Variants in GALNT10 observed in about 807,000 individuals in gnomAD.
GALNT10 encodes polypeptide N-acetylgalactosaminyltransferase 10.
In GALNT10, 41 loss-of-function variants were observed where a neutral mutation model predicts 75.0. That is an observed-to-expected ratio of 0.55 (90% CI 0.43 to 0.71). The LOEUF (loss-of-function observed/expected upper bound fraction) is 0.71. GALNT10 is among the 30% of genes least tolerant of loss of function. The pLI, the probability that GALNT10 is intolerant of heterozygous loss-of-function variation, is 0.00. For missense variants in GALNT10, 727 were observed against 818.5 expected, an observed-to-expected ratio of 0.89 and a Z score of 1.36; for synonymous variants, 302 against 313.0, an observed-to-expected ratio of 0.96 and a Z score of 0.37.
At chr5:154,312,333 G>T (rs1383959690) in intron 3 of GALNT10, among the ~76,000 whole-genome samples, 1 of 152,170 alleles carries the variant, frequency 6.6e-6, no homozygotes. Flanking sequence ...TTCAGGGGAA[G>T]AAATCAATAG....
intron 10 of GALNT10, among the ~76,000 whole-genome samples, chr5:154,413,501 G>T (rs1361786103): frequency 6.6e-6 from 1 of 152,196 alleles, no homozygotes; most frequent in Non-Finnish European, 1.5e-5. Context: ...TATTGATGAG[G>T]ACAGAGCCGT....
chr5:154,240,692 G>A (rs1370302751), intron 1 of GALNT10, among the ~76,000 whole-genome samples: 2 of 152,204 alleles, frequency 1.3e-5, no homozygotes, highest in Non-Finnish European at 2.9e-5. Context: ...AAGTGTAGCT[G>A]AAAGTATTTT....
chr5:154,337,631 G>A, intron 4 of GALNT10: 1 of 933,618 alleles, frequency 1.1e-6, no homozygotes, highest in Non-Finnish European at 1.7e-6. Flanking sequence ...ACTGATAGTT[G>A]TAATTGCCAA....
At chr5:154,258,604 C>T (rs1753650960) in intron 1 of GALNT10, among the ~76,000 whole-genome samples, 1 of 152,172 alleles carries the variant, frequency 6.6e-6, no homozygotes, top group East Asian at 1.9e-4. Flanking sequence ...GCCTGTGACC[C>T]TTGTCACTTA....
chr5:154,335,647 AC>A (rs1325652272), intron 4 of GALNT10, among the ~76,000 whole-genome samples: 2 of 152,136 alleles, frequency 1.3e-5, no homozygotes, highest in Non-Finnish European at 2.9e-5. Flanking sequence ...CTTTTAATAG[AC>A]CTTATTTTTT....
At chr5:154,353,426 T>C (rs952843466) in intron 4 of GALNT10, among the ~76,000 whole-genome samples, 1 of 152,044 alleles carries the variant, frequency 6.6e-6, no homozygotes, top group Non-Finnish European at 1.5e-5. Flanking sequence ...CAAAAAGGAC[T>C]TTCGTCCTCA....
intron 4 of GALNT10, among the ~76,000 whole-genome samples, chr5:154,371,280 A>G (rs1755558632): frequency 6.6e-6 from 1 of 152,144 alleles, no homozygotes; most frequent in South Asian, 2.1e-4. Context: ...ACCCTAATCC[A>G]GTATGACCCC....
chr5:154,291,068 G>A (rs918905102), intron 1 of GALNT10, among the ~76,000 whole-genome samples: 1 of 152,158 alleles, frequency 6.6e-6, no homozygotes, highest in African/African-American at 2.4e-5. Flanking sequence ...GGAGCAGTGT[G>A]CATCATAAGG....
At chr5:154,259,892 G>A (rs1309242246) in intron 1 of GALNT10, among the ~76,000 whole-genome samples, 1 of 152,150 alleles carries the variant, frequency 6.6e-6, no homozygotes, top group East Asian at 1.9e-4. Context: ...AGCACCTTTT[G>A]TATACCAGTC....
At chr5:154,312,033 A>G (rs1754527893) in intron 3 of GALNT10, among the ~76,000 whole-genome samples, 1 of 152,206 alleles carries the variant, frequency 6.6e-6, no homozygotes, top group Non-Finnish European at 1.5e-5. Flanking sequence ...CATGCATCGC[A>G]TTCACCATGC....
Position 154,285,583 on chromosome 5 carries a change from C to G in GALNT10, c.160-9233C>G, listed in dbSNP as rs192500778. ...ATTTCTTGACTCAAACCCACAGGAC[C>G]CTAGTAACCCTATTTTTAAAAAAAA... On this transcript the variant is annotated intron_variant, in intron 1 of 11. Transcript: ENST00000297107. Among the ~76,000 whole-genome samples the G allele has an allele frequency of 3.1e-3, 476 of 152,136 alleles. 2 individuals are homozygous for G. The highest frequency in any genetic ancestry group is 0.011 in the African/African-American group (461 of 41,508).
intron 1 of GALNT10, among the ~76,000 whole-genome samples, chr5:154,244,642 C>T (rs1753392708): frequency 6.6e-6 from 1 of 152,040 alleles, no homozygotes; most frequent in Admixed American, 6.5e-5. Context: ...GATAATCCGG[C>T]AGACAGCAAG....
intron 3 of GALNT10, among the ~76,000 whole-genome samples, chr5:154,308,745 C>T (rs1429747009): frequency 6.6e-6 from 1 of 152,260 alleles, no homozygotes; most frequent in Non-Finnish European, 1.5e-5. Flanking sequence ...CCAGCCCTTA[C>T]TCAGGCTTAT....
chr5:154,246,077 C>A (rs1425614773), intron 1 of GALNT10, among the ~76,000 whole-genome samples: 1 of 150,846 alleles, frequency 6.6e-6, no homozygotes, highest in African/African-American at 2.4e-5. Context: ...TTTGTCCTTG[C>A]GATAGTTTGC....
In GALNT10 at chr5:154,417,288, G is replaced by A. The variant is rs1446265753; in HGVS notation, c.*316G>A. On this transcript the variant is annotated 3_prime_UTR_variant, in exon 12 of 12. Transcript: ENST00000297107. ...ATGTCCCCTTGAACATTATGTGGGA[G>A]AACACCAAGGTAGCCTAGGCCACCC... 1.6e-5 allele frequency: 4 copies of A among 257,578 alleles called. No individual in the cohort carries two copies. The highest frequency in any genetic ancestry group is 4.9e-5 in the Admixed American group (1 of 20,336). The allele number at this position is 257,578 out of a possible 1,614,324, so 16.0% of individuals were successfully genotyped here.
intron 9 of GALNT10, among the ~76,000 whole-genome samples, chr5:154,410,057 C>G (rs1188542465): frequency 6.6e-6 from 1 of 152,198 alleles, no homozygotes; most frequent in African/African-American, 2.4e-5. Context: ...AACTCATGTT[C>G]AGAATGGGTG....
intron 1 of GALNT10, among the ~76,000 whole-genome samples, chr5:154,288,207 C>G (rs1754141039): frequency 6.6e-6 from 1 of 152,056 alleles, no homozygotes; most frequent in South Asian, 2.1e-4. Context: ...CGCATACAGC[C>G]CTTTCCTTGT....
chr5:154,350,801 G>A (rs886361675), intron 4 of GALNT10, among the ~76,000 whole-genome samples: 5 of 152,190 alleles, frequency 3.3e-5, no homozygotes, highest in African/African-American at 9.7e-5. Flanking sequence ...GAAAAAAGGA[G>A]ACCAAGTAAG....
At chr5:154,332,543 A>G (rs1461643522) in intron 4 of GALNT10, among the ~76,000 whole-genome samples, 1 of 152,232 alleles carries the variant, frequency 6.6e-6, no homozygotes, top group Admixed American at 6.5e-5. Flanking sequence ...ATGCGCGGTT[A>G]CATGGCTGTT....
Sources: gnomAD v4.1 joint callset for allele counts (sites outside exome capture counted in the v4.1 genomes callset) on GRCh38, gnomAD v4.1.1 for gene constraint, MANE v1.5 for transcripts, NCBI Gene and HGNC (gene_info 2026-07-23, HGNC 2026-07-21) for gene names.